The following SRPK2 variants were observed in gnomAD, a reference collection of about 807,000 sequenced individuals.
SRPK2 encodes the protein SRSF protein kinase 2.
Under a neutral mutation model 90.8 loss-of-function variants are expected in SRPK2, and 21 were observed. That is an observed-to-expected ratio of 0.23 (90% CI 0.16 to 0.33). The LOEUF is 0.33. Among genes scored for constraint, SRPK2 ranks in the 10% least tolerant of loss-of-function variants. The probability of loss-of-function intolerance (pLI) is 1.00; values close to 1 mark genes in which losing one functional copy is unlikely to be tolerated. For missense variants in SRPK2, 620 were observed against 869.0 expected (o/e 0.71, Z 3.60); for synonymous variants, 288 against 311.1 (o/e 0.93, Z 0.78).
intron 2 of SRPK2, among the ~76,000 whole-genome samples, chr7:105,387,316 T>C (rs1027158961): frequency 1.3e-5 from 2 of 152,210 alleles, no homozygotes; most frequent in South Asian, 4.1e-4. Flanking sequence ...TAAACTTCCA[T>C]GGTTCACCAA....
chr7:105,223,834 G>T (rs755204230), intron 2 of SRPK2, among the ~76,000 whole-genome samples: 6 of 152,194 alleles, frequency 3.9e-5, no homozygotes, highest in Non-Finnish European at 8.8e-5. Flanking sequence ...TGTGCTTCAT[G>T]CGGTAAAAGT....
intron 13 of SRPK2, among the ~76,000 whole-genome samples, chr7:105,131,568 G>A (rs1802007470): frequency 6.6e-6 from 1 of 152,174 alleles, no homozygotes; most frequent in Non-Finnish European, 1.5e-5. Flanking sequence ...ATCTGGCCAT[G>A]TGCTGACTCA....
chr7:105,236,208 T>C (rs1193602980), intron 2 of SRPK2, among the ~76,000 whole-genome samples: 1 of 152,242 alleles, frequency 6.6e-6, no homozygotes, highest in African/African-American at 2.4e-5. Flanking sequence ...CTGTTCATCA[T>C]ACGAAGGTTG....
intron 3 of SRPK2, among the ~76,000 whole-genome samples, chr7:105,184,407 T>C (rs1793307828): frequency 6.6e-6 from 1 of 152,216 alleles, no homozygotes; most frequent in African/African-American, 2.4e-5. Flanking sequence ...AAATTTACCC[T>C]TAAATTTCTA....
At chr7:105,171,818 T>C (rs1237920114) in intron 3 of SRPK2, among the ~76,000 whole-genome samples, 1 of 152,244 alleles carries the variant, frequency 6.6e-6, no homozygotes, top group Non-Finnish European at 1.5e-5. Context: ...AATTATTAAA[T>C]GGCTTACTAC....
chr7:105,339,517 CAGA>C (rs1266308130), intron 2 of SRPK2, among the ~76,000 whole-genome samples: 1 of 152,138 alleles, frequency 6.6e-6, no homozygotes, highest in East Asian at 1.9e-4. Flanking sequence ...CTGAGATATC[CAGA>C]AGAATTCAGA....
intron 15 of SRPK2, among the ~76,000 whole-genome samples, chr7:105,121,834 A>G (rs1800426888): frequency 6.6e-6 from 1 of 152,240 alleles, no homozygotes; most frequent in Non-Finnish European, 1.5e-5. Context: ...AGGAAAATAC[A>G]TTATTTTATC....
In SRPK2 at chr7:105,169,216, A is replaced by G; in HGVS notation, c.279T>C (p.His93=). ...GCCCCCATCCAAGCTTTCTAATAAC[A>G]TGATACCGGCCATTGAAGAGGTCTC... ...KIGDLFNGRY[H]VIRKLGWGHF... The change falls in exon 4 of 16, where the codon CAT becomes CAC. Residue 93 remains histidine, a synonymous_variant. Coordinates refer to ENST00000393651, the MANE Select transcript of SRPK2 (RefSeq NM_182692.3). 9 of 1,613,982 alleles carry G rather than the reference A, an allele frequency of 5.6e-6. No individual in the cohort carries two copies. Among genetic ancestry groups the G allele is most frequent in the South Asian group, 1.1e-5 (1 of 91,080 alleles).
chr7:105,133,222 C>T (rs1465671591), intron 11 of SRPK2, 118 bp from the exon 12 acceptor site: 2 of 873,872 alleles, frequency 2.3e-6, no homozygotes, highest in Non-Finnish European at 3.7e-6. Context: ...ATCACTTAGG[C>T]CTGGAATACT....
At chr7:105,193,926 C>T (rs772079711) in intron 3 of SRPK2, among the ~76,000 whole-genome samples, 8 of 152,170 alleles carry the variant, frequency 5.3e-5, no homozygotes, top group Non-Finnish European at 1.2e-4. Flanking sequence ...TTGACAAATA[C>T]ATATACTCTA....
rs2132853292 is a variant in SRPK2, at chr7:105,388,628, C to G, written c.71+20G>C. ...ACGGGGCGGGGGTGGGGAACGGGGA[C>G]AGGCGCAGCGTGGACTCACTTTTTC... On this transcript the variant is annotated intron_variant, in intron 2 of 15. Transcript: ENST00000393651. The G allele has an allele frequency of 6.4e-7, 1 of 1,568,206 alleles. No individual in the cohort carries two copies. Among genetic ancestry groups the G allele is most frequent in the Non-Finnish European group, 8.6e-7 (1 of 1,156,548 alleles).
At chr7:105,144,493 A>C (rs1185794477) in intron 9 of SRPK2, among the ~76,000 whole-genome samples, 1 of 152,004 alleles carries the variant, frequency 6.6e-6, no homozygotes, top group African/African-American at 2.4e-5. Flanking sequence ...TAGTGGCCTC[A>C]GCCTCCCAAA....
At chr7:105,317,372 C>T (rs986290406) in intron 2 of SRPK2, among the ~76,000 whole-genome samples, 2 of 152,298 alleles carry the variant, frequency 1.3e-5, no homozygotes, top group East Asian at 1.9e-4. Context: ...GAGTTGACAG[C>T]GTTTTCATAT....
At chr7:105,382,933 G>C (rs181629292) in intron 2 of SRPK2, among the ~76,000 whole-genome samples, 49 of 151,992 alleles carry the variant, frequency 3.2e-4, no homozygotes, top group African/African-American at 1.2e-3. Flanking sequence ...CAATTTATTG[G>C]TTTCAACAAT....
At chr7:105,160,262 AAC>A in intron 7 of SRPK2, 3 of 294,732 alleles carry the variant, frequency 1.0e-5, no homozygotes, top group East Asian at 5.7e-5. Flanking sequence ...TAAAAAAAAA[AAC>A]GACAGGCAAA....
chr7:105,177,649 G>C (rs1218489334), intron 3 of SRPK2, among the ~76,000 whole-genome samples: 1 of 152,188 alleles, frequency 6.6e-6, no homozygotes, highest in South Asian at 2.1e-4. Context: ...CATGCGTCAG[G>C]GCAGGGAGTT....
chr7:105,270,950 A>G (rs942813913), intron 2 of SRPK2, among the ~76,000 whole-genome samples: 2 of 152,206 alleles, frequency 1.3e-5, no homozygotes, highest in African/African-American at 4.8e-5. Flanking sequence ...GGCCTGTCCA[A>G]TGTTAAATGG....
intron 2 of SRPK2, among the ~76,000 whole-genome samples, chr7:105,320,193 A>C (rs1364019510): frequency 6.6e-6 from 1 of 152,182 alleles, no homozygotes; most frequent in Middle Eastern, 3.2e-3. Context: ...ACACATACAC[A>C]CATTCTGTTT....
intron 2 of SRPK2, among the ~76,000 whole-genome samples, chr7:105,335,572 G>A (rs1035215226): frequency 5.3e-5 from 8 of 150,914 alleles, no homozygotes; most frequent in South Asian, 2.1e-4. Flanking sequence ...TGGGAGGCTC[G>A]ACTGAGCCCA....
Sources: allele counts gnomAD v4.1 joint callset (sites outside exome capture counted in the v4.1 genomes callset), GRCh38; gene constraint gnomAD v4.1.1; transcripts MANE v1.5; gene names NCBI Gene and HGNC (gene_info 2026-07-23, HGNC 2026-07-21).